PPP1R3E: variants seen among roughly 807,000 people sequenced by gnomAD.
PPP1R3E encodes protein phosphatase 1 regulatory subunit 3E, also known as protein phosphatase 1, regulatory (inhibitor) subunit 3E.
A neutral mutation model predicts 18.5 loss-of-function variants in PPP1R3E; 20 were observed. That is an observed-to-expected ratio of 1.08 (90% CI 0.76 to 1.58). The LOEUF (loss-of-function observed/expected upper bound fraction) is 1.58, where lower values mean the gene tolerates loss of function less well. Among genes scored for constraint, PPP1R3E ranks in the 40% most tolerant of loss-of-function variants. The pLI, the probability that PPP1R3E is intolerant of heterozygous loss-of-function variation, is 0.00. For synonymous variants in PPP1R3E, 208 were observed against 208.1 expected (o/e 1.00, Z 0.00); for missense variants, 498 against 460.2 (o/e 1.08, Z -0.75).
rs772178213 is a variant in PPP1R3E, at chr14:23,302,562, C to T, written c.15G>A (p.Arg5=). ...TGCGGGGAATGTCGGTGCCCGGGGG[C>T]CGCTCACGGGACATGGCAGCCCCTT... is the stretch of plus-strand genomic sequence containing the variant. The part of the protein sequence containing the change: MSRE[R]PPGTDIPRNL... The change falls in exon 1 of 5, where the codon CGG becomes CGA. Residue 5 remains arginine, a synonymous_variant. Coordinates refer to ENST00000452015, the MANE Select transcript of PPP1R3E (RefSeq NM_001276318.2). 1.3e-4 allele frequency: 186 copies of T among 1,477,614 alleles called. No individual in the cohort carries two copies. Among genetic ancestry groups the T allele is most frequent in the Non-Finnish European group, 1.6e-4 (178 of 1,122,676 alleles). The allele number at this position is 1,477,614 out of a possible 1,614,324, so 91.5% of individuals were successfully genotyped here.
chr14:23,299,709 A>G (rs1724913378), intron 3 of PPP1R3E, 168 bp from the exon 4 acceptor site: 1 of 152,102 alleles, frequency 6.6e-6, no homozygotes, highest in Non-Finnish European at 1.5e-5. Flanking sequence ...GAGAGAAGCA[A>G]AGAGGTTAGG....
Position 23,297,900 on chromosome 14 carries a change from A to G in PPP1R3E, c.*1404T>C, listed in dbSNP as rs573413313. 1 of 152,234 alleles carries G rather than the reference A, an allele frequency of 6.6e-6. No individual in the cohort carries two copies. Among genetic ancestry groups the G allele is most frequent in the South Asian group, 2.1e-4 (1 of 4,822 alleles). 9.4% of individuals were successfully genotyped at this position (152,234 alleles called of 1,614,324 possible). On this transcript the variant is annotated 3_prime_UTR_variant, in exon 5 of 5. Transcript: ENST00000452015. ...CTGCCCACAGAGTTGGCACTTACCC[A>G]GTAACATCGGGATTCCTAGAAAAGG...
At chr14:23,301,963 G>A in intron 1 of PPP1R3E, 105 bp from the exon 2 acceptor site, 2 of 1,301,650 alleles carry the variant, frequency 1.5e-6, no homozygotes, top group Non-Finnish European at 2.0e-6. Flanking sequence ...GCCGACCCCG[G>A]CGTCCAGGCC....
intron 3 of PPP1R3E, chr14:23,299,965 G>A (rs1173838865): frequency 2.7e-5 from 3 of 111,658 alleles, no homozygotes; most frequent in African/African-American, 8.8e-5. Flanking sequence ...CAAGTGGATT[G>A]ATTGAAATGC....
rs1422024075 is a variant in PPP1R3E at position 23,301,697 on chromosome 14, C to G, written c.579G>C (p.Trp193Cys). ...GTTGGCTCCGCCAGCCGTCGGCGCT[C>G]CAGCGCACGCTCACGCGCTTCTCGT... ...LAYEKRVSVR[W>C]SADGWRSQRE... Residue 193 changes from tryptophan (W) to cysteine (C), a missense_variant, in exon 2 of 5, where the codon TGG becomes TGC. Trp to Cys is a radical substitution (Grantham distance 215, BLOSUM62 -2). Coordinates refer to ENST00000452015, the MANE Select transcript of PPP1R3E (RefSeq NM_001276318.2). 1 of 1,362,342 alleles carries G rather than the reference C, an allele frequency of 7.3e-7. No homozygotes were observed. Among genetic ancestry groups the G allele is most frequent in the Admixed American group, 3.2e-5 (1 of 31,350 alleles). The allele number at this position is 1,362,342 out of a possible 1,614,324, so 84.4% of individuals were successfully genotyped here.
At chr14:23,300,090 AAC>A (rs1231057477) in intron 3 of PPP1R3E, 1 of 152,130 alleles carries the variant, frequency 6.6e-6, no homozygotes, top group Non-Finnish European at 1.5e-5. Context: ...CATTTCCACC[AAC>A]AGAGATGTAC....
Position 23,302,741 on chromosome 14 carries a change from G to A in PPP1R3E, c.-165C>T, listed in dbSNP as rs1247926449. The A allele has an allele frequency of 1.4e-6, 1 of 690,708 alleles. No homozygotes were observed. 42.8% of individuals were successfully genotyped at this position (690,708 alleles called of 1,614,324 possible). On this transcript the variant is annotated 5_prime_UTR_variant, in exon 1 of 5. It adds an upstream start codon to the 5' untranslated region. Coordinates refer to ENST00000452015, the MANE Select transcript of PPP1R3E (RefSeq NM_001276318.2). ...ACACCTCCAGGATCCTCCACCTCCCGTTGCTTTGCCTCTCCTCTGTGACCA... is the reference window on the plus strand; with the variant it reads ...ACACCTCCAGGATCCTCCACCTCCCATTGCTTTGCCTCTCCTCTGTGACCA...
At chr14:23,299,119 C>T (rs1886954079) in intron 4 of PPP1R3E, among the ~76,000 whole-genome samples, 1 of 152,142 alleles carries the variant, frequency 6.6e-6, no homozygotes, top group South Asian at 2.1e-4. Context: ...GCATGAATCA[C>T]CATGCCCGGC....
chr14:23,299,939 T>TTG (rs1886987748), intron 3 of PPP1R3E, among the ~76,000 whole-genome samples: 1 of 148,464 alleles, frequency 6.7e-6, no homozygotes, highest in East Asian at 1.9e-4. Context: ...TTTTTTTTTT[T>TTG]TTTTTTTTTT....
Position 23,302,370 on chromosome 14 carries a change from G to A in PPP1R3E, c.207C>T (p.Ala69=). 6.7e-7 allele frequency: 1 copy of A among 1,498,432 alleles called. No homozygotes were observed. The highest frequency in any genetic ancestry group is 1.3e-5 in the South Asian group (1 of 79,852). 92.8% of individuals were successfully genotyped at this position (1,498,432 alleles called of 1,614,324 possible). A position where few individuals can be genotyped will look rare whatever the true frequency, so the allele number is the denominator to read the frequency against. Residue 69 remains alanine (A), a synonymous_variant, in exon 1 of 5, where the codon GCC becomes GCT. Coordinates refer to ENST00000452015, the MANE Select transcript of PPP1R3E (RefSeq NM_001276318.2). The part of the protein sequence containing the change: ...SRGRRARSAP[A]GGGGARAPRS... ...GGGGCGCCCGGGCCCCGCCGCCTCC[G>A]GCTGGTGCAGATCGGGCCCGGCGGC... is the stretch of plus-strand genomic sequence containing the variant.
At position 23,300,746 on chromosome 14, in the gene PPP1R3E, TCTGATAG is replaced by T. The variant is rs1186639650; in HGVS notation, c.*245+5_*245+11del. 6.6e-6 allele frequency: 1 copy of T among 152,230 alleles called. No individual in the cohort carries two copies. Among genetic ancestry groups the T allele is most frequent in the African/African-American group, 2.4e-5 (1 of 41,426 alleles). 9.4% of individuals were successfully genotyped at this position (152,230 alleles called of 1,614,324 possible). A position where few individuals can be genotyped will look rare whatever the true frequency, so the allele number is the denominator to read the frequency against. The stretch of plus-strand genomic sequence containing the variant: ...CCTAAAGCTGCCTGGAGGCTGGAGC[TCTGATAG>T]CTACCTGTCATCACTCCCCAGCCAG... On this transcript the variant is annotated splice_donor_5th_base_variant and intron_variant, in intron 3 of 4. Transcript: ENST00000452015.
chr14:23,301,793 G>A lies in PPP1R3E; in HGVS notation c.483C>T (p.Arg161=). The part of the protein sequence containing the change: ...PGFAARLLTQ[R]ICLERAEAGP... Reference sequence around the variant, plus strand: ...CCGCCTCGGCGCGTTCCAGGCAGATGCGCTGCGTCAGCAAGCGGGCGGCGA... The same window carrying A: ...CCGCCTCGGCGCGTTCCAGGCAGATACGCTGCGTCAGCAAGCGGGCGGCGA... The change falls in exon 2 of 5, where the codon CGC becomes CGT. Residue 161 remains arginine, a synonymous_variant. Coordinates refer to ENST00000452015, the MANE Select transcript of PPP1R3E (RefSeq NM_001276318.2). The A allele has an allele frequency of 2.0e-6, 3 of 1,471,474 alleles. No individual in the cohort carries two copies. Among genetic ancestry groups the A allele is most frequent in the South Asian group, 1.3e-5 (1 of 77,704 alleles). 91.2% of individuals were successfully genotyped at this position (1,471,474 alleles called of 1,614,324 possible).
rs984463893 is a variant in PPP1R3E, at chr14:23,296,448, C to G, written c.*2856G>C. 1 of 152,112 alleles carries G rather than the reference C, an allele frequency of 6.6e-6. No individual in the cohort carries two copies. The highest frequency in any genetic ancestry group is 2.4e-5 in the African/African-American group (1 of 41,380). 9.4% of individuals were successfully genotyped at this position (152,112 alleles called of 1,614,324 possible). Reference sequence around the variant, plus strand: ...CTCAGTAACCTCCAACTCCTGGGCTCAAGCGATCCTCCTGTCTCAGCTTCC... The same window carrying G: ...CTCAGTAACCTCCAACTCCTGGGCTGAAGCGATCCTCCTGTCTCAGCTTCC... On this transcript the variant is annotated 3_prime_UTR_variant, in exon 5 of 5. Transcript: ENST00000452015.
rs1594972839 is a variant in PPP1R3E, at chr14:23,298,574, G to A, written c.*730C>T. On this transcript the variant is annotated 3_prime_UTR_variant, in exon 5 of 5. Coordinates refer to ENST00000452015, the MANE Select transcript of PPP1R3E (RefSeq NM_001276318.2). ...TGGAAAGGAAGAAAAACCCAGATTT[G>A]CGCACACAAGTGTTAAGTAAATGTG... 1 of 154,380 alleles carries A rather than the reference G, an allele frequency of 6.5e-6. No individual in the cohort carries two copies. The highest frequency in any genetic ancestry group is 5.2e-4 in the Middle Eastern group (1 of 1,926). 9.6% of individuals were successfully genotyped at this position (154,380 alleles called of 1,614,324 possible). A position where few individuals can be genotyped will look rare whatever the true frequency, so the allele number is the denominator to read the frequency against.
chr14:23,301,513 C>T lies in PPP1R3E; in HGVS notation c.763G>A (p.Asp255Asn). ...HEFWDNNGGR[D>N]YALRGPEHPG... The stretch of plus-strand genomic sequence containing the variant: ...TGCTCGGGCCCACGTAGAGCATAGT[C>T]ACGGCCGCCGTTGTTGTCCCAGAAC... Residue 255 changes from aspartate (D) to asparagine (N), a missense_variant, in exon 2 of 5, where the codon GAC (aspartate) becomes AAC (asparagine). By Grantham distance (23) the Asp-to-Asn change is conservative (BLOSUM62 1). Coordinates refer to ENST00000452015, the MANE Select transcript of PPP1R3E (RefSeq NM_001276318.2). 1 of 1,498,062 alleles carries T rather than the reference C, an allele frequency of 6.7e-7. No homozygotes were observed. 92.8% of individuals were successfully genotyped at this position (1,498,062 alleles called of 1,614,324 possible).
chr14:23,301,851 C>A lies in PPP1R3E; in HGVS notation c.425G>T (p.Arg142Leu). 1 of 1,439,212 alleles carries A rather than the reference C, an allele frequency of 6.9e-7. No individual in the cohort carries two copies. Among genetic ancestry groups the A allele is most frequent in the Non-Finnish European group, 9.0e-7 (1 of 1,107,174 alleles). The allele number at this position is 1,439,212 out of a possible 1,614,324, so 89.2% of individuals were successfully genotyped here. The change falls in exon 2 of 5, where the codon CGC becomes CTC. Residue 142 changes from arginine to leucine, a missense_variant. Coordinates refer to ENST00000452015, the MANE Select transcript of PPP1R3E (RefSeq NM_001276318.2). Reference protein sequence around the residue: ...QPRARGLQEARAALEPASEPG... With the variant: ...QPRARGLQEALAALEPASEPG... ...CTCGCTGGCCGGCTCCAGGGCGGCG[C>A]GCGCCTCCTGGGGGAAAGAAGAAGC...
chr14:23,298,472 A>G lies in PPP1R3E; in HGVS notation c.*832T>C, dbSNP rs1008222249. On this transcript the variant is annotated 3_prime_UTR_variant, in exon 5 of 5. Coordinates refer to ENST00000452015, the MANE Select transcript of PPP1R3E (RefSeq NM_001276318.2). ...GTTTCCTCATCTCTAAAACAGAGAT[A>G]ATGACAATGTTCTACTTACAGGGTT... is the stretch of plus-strand genomic sequence containing the variant. 2.0e-5 allele frequency: 3 copies of G among 152,684 alleles called. No individual in the cohort carries two copies. The highest frequency in any genetic ancestry group is 4.8e-5 in the African/African-American group (2 of 41,468). The allele number at this position is 152,684 out of a possible 1,614,324, so 9.5% of individuals were successfully genotyped here.
At position 23,302,735 on chromosome 14, in the gene PPP1R3E, C is replaced by T. The variant is rs578208406; in HGVS notation, c.-159G>A. ...TTGCAGACACCTCCAGGATCCTCCA[C>T]CTCCCGTTGCTTTGCCTCTCCTCTG... On this transcript the variant is annotated 5_prime_UTR_variant, in exon 1 of 5. It adds an upstream start codon to the 5' untranslated region. Transcript: ENST00000452015. 23 of 717,370 alleles carry T rather than the reference C, an allele frequency of 3.2e-5. No individual in the cohort carries two copies. Among genetic ancestry groups the T allele is most frequent in the Non-Finnish European group, 4.4e-5 (21 of 475,608 alleles). 44.4% of individuals were successfully genotyped at this position (717,370 alleles called of 1,614,324 possible). A position where few individuals can be genotyped will look rare whatever the true frequency, so the allele number is the denominator to read the frequency against.
At position 23,302,250 on chromosome 14, in the gene PPP1R3E, C is replaced by T; in HGVS notation, c.327G>A (p.Leu109=). The T allele has an allele frequency of 6.6e-7, 1 of 1,518,684 alleles. No homozygotes were observed. The highest frequency in any genetic ancestry group is 1.2e-5 in the South Asian group (1 of 82,212). The allele number at this position is 1,518,684 out of a possible 1,614,324, so 94.1% of individuals were successfully genotyped here. ...AVVRRFRPGE[L]PRVPRHVQIQ... ...TCTGCACGTGGCGGGGCACCCGGGG[C>T]AGCTCACCGGGACGGAAGCGGCGCA... Residue 109 remains leucine, a synonymous_variant, in exon 1 of 5, where the codon CTG becomes CTA. Coordinates refer to ENST00000452015, the MANE Select transcript of PPP1R3E (RefSeq NM_001276318.2).
Sources: allele counts gnomAD v4.1 joint callset (sites outside exome capture counted in the v4.1 genomes callset), GRCh38; gene constraint gnomAD v4.1.1; transcripts MANE v1.5; gene names NCBI Gene and HGNC (gene_info 2026-07-23, HGNC 2026-07-21).